ASTL: variants seen among roughly 807,000 people sequenced by gnomAD.
The protein encoded by ASTL is astacin like metalloendopeptidase.
ASTL carries 27 observed loss-of-function variants against 36.7 expected under a neutral mutation model. The observed-to-expected ratio is 0.73, with a 90% CI of 0.54 to 1.01. The LOEUF (loss-of-function observed/expected upper bound fraction) is 1.01. Among genes scored for constraint, ASTL ranks in the 50% least tolerant of loss-of-function variants. ASTL has a pLI of 0.00. For missense variants in ASTL, 524 were observed against 572.8 expected (o/e 0.91, Z 0.87); for synonymous variants, 222 against 228.1 (o/e 0.97, Z 0.24).
rs1271659430 is a variant in ASTL at position 96,130,044 on chromosome 2, G to A, written c.719+20C>T. The stretch of plus-strand genomic sequence containing the variant: ...GGAGAGGCTGGGGGAAGCAGAGGGA[G>A]AAGAAGGCAGGGTCCTCACCTCCCA... On this transcript the variant is annotated intron_variant, in intron 7 of 8. Transcript: ENST00000342380. 1 of 1,613,762 alleles carries A rather than the reference G, an allele frequency of 6.2e-7. No homozygotes were observed. Among genetic ancestry groups the A allele is most frequent in the Admixed American group, 1.7e-5 (1 of 60,032 alleles).
chr2:96,138,258 G>T lies in ASTL; in HGVS notation c.55+124C>A. 4 of 918,770 alleles carry T rather than the reference G, an allele frequency of 4.4e-6. No individual in the cohort carries two copies. The Admixed American group carries it at 6.4e-5, about 15-fold the overall frequency. The allele number at this position is 918,770 out of a possible 1,614,324, so 56.9% of individuals were successfully genotyped here. The stretch of plus-strand genomic sequence containing the variant: ...CTGACTTCTAGAATAACCCTGGAGA[G>T]CTCTGTGCTCTGAGCTACTGAGCTC... On this transcript the variant is annotated intron_variant, in intron 1 of 8. Transcript: ENST00000342380.
In ASTL at chr2:96,129,871, A is replaced by G; in HGVS notation, c.827T>C (p.Leu276Pro). The stretch of plus-strand genomic sequence containing the variant: ...ACTTGGGCTGCAGCCGTAGAGTTTG[A>G]GGACCCGGGTGATGTCCGAGGCACT... Reference protein sequence around the residue: ...NLSASDITRVLKLYGCSPSGP... With the variant: ...NLSASDITRVPKLYGCSPSGP... The change falls in exon 8 of 9, where the codon CTC becomes CCC. Residue 276 changes from leucine to proline, a missense_variant. By Grantham distance (98) the Leu-to-Pro change is moderately conservative. Transcript: ENST00000342380. 6.3e-7 allele frequency: 1 copy of G among 1,597,332 alleles called. No individual in the cohort carries two copies. The highest frequency in any genetic ancestry group is 8.6e-7 in the Non-Finnish European group (1 of 1,168,680).
At position 96,122,865 on chromosome 2, in the gene ASTL, C is replaced by T. The variant is rs921063949; in HGVS notation, c.*985G>A. On this transcript the variant is annotated 3_prime_UTR_variant, in exon 9 of 9. Transcript: ENST00000342380. ...ATTTCCTCCCCCAACATGTGGGGCT[C>T]CTGCCCCTTCTACCCCAAGCAGGGC... 6.6e-6 allele frequency among the ~76,000 whole-genome samples: 1 copy of T among 152,216 alleles called. No homozygotes were observed. Among genetic ancestry groups the T allele is most frequent in the African/African-American group, 2.4e-5 (1 of 41,460 alleles).
chr2:96,130,465 G>A (rs191699693), intron 6 of ASTL, among the ~76,000 whole-genome samples: 61 of 152,278 alleles, frequency 4.0e-4, no homozygotes, highest in African/African-American at 1.4e-3. Context: ...CAGCTGCCAC[G>A]GGTCCCACAC....
intron 8 of ASTL, among the ~76,000 whole-genome samples, chr2:96,126,535 A>G (rs1354679826): frequency 1.3e-5 from 2 of 152,236 alleles, no homozygotes; most frequent in East Asian, 3.8e-4. Flanking sequence ...ACCCTCGTAT[A>G]CCGCTGGTGG....
Position 96,124,754 on chromosome 2 carries a change from C to G in ASTL, c.875-483G>C, listed in dbSNP as rs1553425758. ...ACTGTCATGCCAGACTACAACTGTA[C>G]CCCACCTCTTTGTGGGCACTCTTCC... On this transcript the variant is annotated intron_variant, in intron 8 of 8. Transcript: ENST00000342380. The surrounding 1 kb of genome is among the most constrained non-coding windows in gnomAD (Gnocchi z 4.1). Among the ~76,000 whole-genome samples, 1 of 152,140 alleles carries G rather than the reference C, an allele frequency of 6.6e-6. No homozygotes were observed. Among genetic ancestry groups the G allele is most frequent in the Non-Finnish European group, 1.5e-5 (1 of 68,032 alleles).
Position 96,133,467 on chromosome 2 carries a change from T to G in ASTL, c.413A>C (p.Tyr138Ser), listed in dbSNP as rs1190995743. 6.2e-7 allele frequency: 1 copy of G among 1,614,112 alleles called. No homozygotes were observed. The highest frequency in any genetic ancestry group is 1.1e-5 in the South Asian group (1 of 91,090). ...GGAAATGAAGTCTCTCTGGTCCTGA[T>G]AGGTGACAAACCTGATGCACGTGGA... ...ERSTCIRFVT[Y>S]QDQRDFISII... Residue 138 changes from tyrosine to serine, a missense_variant, in exon 5 of 9, where the codon TAT (tyrosine) becomes TCT (serine). Tyr to Ser is a moderately radical substitution (Grantham distance 144, BLOSUM62 -2). Transcript: ENST00000342380.
In ASTL at chr2:96,134,014, C is replaced by T; in HGVS notation, c.288G>A (p.Met96Ile). 6.2e-7 allele frequency: 1 copy of T among 1,614,062 alleles called. No individual in the cohort carries two copies. The highest frequency in any genetic ancestry group is 8.5e-7 in the Non-Finnish European group (1 of 1,179,930). The change falls in exon 4 of 9, where the codon ATG (methionine) becomes ATA (isoleucine). Residue 96 changes from methionine (M) to isoleucine (I), a missense_variant. Physicochemically the swap from Met to Ile is conservative, Grantham distance 10. Coordinates refer to ENST00000342380, the MANE Select transcript of ASTL (RefSeq NM_001002036.4). ...LLSATSNKWP[M>I]GGSGVVEVPF... ...GGACCTCCACGACACCACTACCACCCATGGGCCATTTGTTGCTGGTTGCTG... is the reference window on the plus strand; with the variant it reads ...GGACCTCCACGACACCACTACCACCTATGGGCCATTTGTTGCTGGTTGCTG...
At chr2:96,126,339 AACAG>A (rs1373407482) in intron 8 of ASTL, among the ~76,000 whole-genome samples, 2 of 152,236 alleles carry the variant, frequency 1.3e-5, no homozygotes, top group Admixed American at 6.5e-5. Context: ...ATTGAAGAAA[AACAG>A]ACAGAGGATA....
intron 1 of ASTL, among the ~76,000 whole-genome samples, chr2:96,138,082 G>A (rs1028148444): frequency 6.6e-6 from 1 of 152,146 alleles, no homozygotes; most frequent in African/African-American, 2.4e-5. Context: ...GGCTCAGCCT[G>A]GATGACTCCC....
intron 2 of ASTL, among the ~76,000 whole-genome samples, chr2:96,137,357 C>G (rs1682322520): frequency 6.6e-6 from 1 of 152,208 alleles, no homozygotes; most frequent in Non-Finnish European, 1.5e-5. Flanking sequence ...GTAGTCCCAG[C>G]TGCTCGGGAG....
intron 8 of ASTL, 141 bp downstream of exon 8, chr2:96,129,683 T>C: frequency 2.9e-6 from 2 of 686,892 alleles, no homozygotes; most frequent in Non-Finnish European, 4.6e-6. Context: ...CAAGTGCTTG[T>C]TCTGCGTCGT....
chr2:96,126,198 C>T (rs149927299), intron 8 of ASTL, among the ~76,000 whole-genome samples: 94 of 152,002 alleles, frequency 6.2e-4, no homozygotes, highest in African/African-American at 2.0e-3. Context: ...TGTTAGTGTT[C>T]AAAGGACATT....
chr2:96,129,819 C>T lies in ASTL; in HGVS notation c.874+5G>A, dbSNP rs769855645. ...TTCAAGTCACCTTCCTGCCATGCCA[C>T]TCACCTCTCCCACGGGGCCTGGGGC... On this transcript the variant is annotated splice_donor_5th_base_variant and intron_variant, in intron 8 of 8. Coordinates refer to ENST00000342380, the MANE Select transcript of ASTL (RefSeq NM_001002036.4). 1.3e-6 allele frequency: 2 copies of T among 1,532,210 alleles called. No homozygotes were observed. The highest frequency in any genetic ancestry group is 1.4e-5 in the African/African-American group (1 of 72,358). 94.9% of individuals were successfully genotyped at this position (1,532,210 alleles called of 1,614,324 possible). A position where few individuals can be genotyped will look rare whatever the true frequency, so the allele number is the denominator to read the frequency against.
At chr2:96,134,114 C>T in intron 3 of ASTL, 56 bp from the exon 4 acceptor site, 2 of 1,251,992 alleles carry the variant, frequency 1.6e-6, no homozygotes, top group Non-Finnish European at 2.3e-6. Flanking sequence ...AAGCTTTGTG[C>T]CCCAAGGGTA....
At chr2:96,131,278 A>ATT (rs1553426460) in intron 6 of ASTL, among the ~76,000 whole-genome samples, 2 of 151,514 alleles carry the variant, frequency 1.3e-5, no homozygotes, top group Non-Finnish European at 2.9e-5. Flanking sequence ...TGGCTTTTCT[A>ATT]GTCTTTCATG....
chr2:96,132,802 A>G lies in ASTL; in HGVS notation c.456-81T>C. ...ACAGACCTGGGCTCTCCCTCCCCAC[A>G]CAACACAAGATAGACAAACTCCCAA... On this transcript the variant is annotated intron_variant, in intron 5 of 8. Coordinates refer to ENST00000342380, the MANE Select transcript of ASTL (RefSeq NM_001002036.4). This position sits in a 1 kb window ranked among gnomAD's most constrained non-coding sequence, Gnocchi z 5.4. The G allele has an allele frequency of 7.5e-7, 1 of 1,332,328 alleles. No individual in the cohort carries two copies. The highest frequency in any genetic ancestry group is 1.0e-6 in the Non-Finnish European group (1 of 968,760). The allele number at this position is 1,332,328 out of a possible 1,614,324, so 82.5% of individuals were successfully genotyped here. A position where few individuals can be genotyped will look rare whatever the true frequency, so the allele number is the denominator to read the frequency against.
chr2:96,129,876 C>T lies in ASTL; in HGVS notation c.822G>A (p.Arg274=), dbSNP rs140580595. The part of the protein sequence containing the change: ...RWNLSASDIT[R]VLKLYGCSPS... ...GGCTGCAGCCGTAGAGTTTGAGGAC[C>T]CGGGTGATGTCCGAGGCACTCAGGT... Residue 274 remains arginine (R), a synonymous_variant, in exon 8 of 9, where the codon CGG becomes CGA. Coordinates refer to ENST00000342380, the MANE Select transcript of ASTL (RefSeq NM_001002036.4). 5.6e-6 allele frequency: 9 copies of T among 1,600,494 alleles called. No individual in the cohort carries two copies. Among genetic ancestry groups the T allele is most frequent in the Non-Finnish European group, 7.7e-6 (9 of 1,170,770 alleles).
At chr2:96,128,600 G>A (rs1371282229) in intron 8 of ASTL, among the ~76,000 whole-genome samples, 1 of 152,172 alleles carries the variant, frequency 6.6e-6, no homozygotes, top group African/African-American at 2.4e-5. Context: ...AATGGAATCT[G>A]TTTCTAAATT....
Sources: gnomAD v4.1 joint callset for allele counts (sites outside exome capture counted in the v4.1 genomes callset) on GRCh38, gnomAD v4.1.1 for gene constraint, Gnocchi (gnomAD v3.1) non-coding constraint, MANE v1.5 for transcripts, NCBI Gene and HGNC (gene_info 2026-07-23, HGNC 2026-07-21) for gene names.